The following ZSWIM6 variants were observed in gnomAD, a reference collection of about 807,000 sequenced individuals.
The protein encoded by ZSWIM6 is zinc finger SWIM domain-containing protein 6.
In ZSWIM6, 9 loss-of-function variants were observed where a neutral mutation model predicts 113.2. The observed-to-expected ratio is 0.08, with a 90% CI of 0.05 to 0.14. The LOEUF (loss-of-function observed/expected upper bound fraction) is 0.14. ZSWIM6 is among the 10% of genes least tolerant of loss of function. ZSWIM6 has a pLI of 1.00. For synonymous variants in ZSWIM6, 611 were observed against 606.5 expected, an observed-to-expected ratio of 1.01 and a Z score of -0.11; for missense variants, 1,162 against 1,552.2, an observed-to-expected ratio of 0.75 and a Z score of 4.22.
intron 1 of ZSWIM6, among the ~76,000 whole-genome samples, chr5:61,462,954 C>T (rs1230602457): frequency 6.6e-6 from 1 of 152,220 alleles, no homozygotes; most frequent in Non-Finnish European, 1.5e-5. Context: ...CTGACTTTCT[C>T]ATATAAGGTG....
intron 4 of ZSWIM6, among the ~76,000 whole-genome samples, chr5:61,494,861 G>A (rs962904259): frequency 6.6e-6 from 1 of 151,892 alleles, no homozygotes; most frequent in East Asian, 1.9e-4. Flanking sequence ...ATGAACTGTC[G>A]ATCCTCAGAA....
intron 1 of ZSWIM6, among the ~76,000 whole-genome samples, chr5:61,404,068 C>T (rs969259544): frequency 1.7e-4 from 25 of 150,350 alleles, no homozygotes; most frequent in African/African-American, 5.9e-4. Flanking sequence ...AGTGCAGTGG[C>T]GCGATCTTGG....
chr5:61,484,315 C>G (rs1364033373), intron 2 of ZSWIM6, among the ~76,000 whole-genome samples: 1 of 152,062 alleles, frequency 6.6e-6, no homozygotes, highest in Non-Finnish European at 1.5e-5. Context: ...AAAAAAATGA[C>G]AAAAATTGAG....
At chr5:61,465,152 TA>T (rs1385250662) in intron 1 of ZSWIM6, among the ~76,000 whole-genome samples, 1 of 152,202 alleles carries the variant, frequency 6.6e-6, no homozygotes, top group Non-Finnish European at 1.5e-5. Context: ...AGCTTATGTT[TA>T]AAAGATTGGG....
intron 2 of ZSWIM6, among the ~76,000 whole-genome samples, chr5:61,484,257 C>G (rs767634213): frequency 6.6e-6 from 1 of 152,158 alleles, no homozygotes; most frequent in Non-Finnish European, 1.5e-5. Flanking sequence ...AGTTCTGGGG[C>G]AGATCTCCTT....
chr5:61,508,966 T>A (rs1748702858), intron 4 of ZSWIM6, among the ~76,000 whole-genome samples: 1 of 152,142 alleles, frequency 6.6e-6, no homozygotes, highest in East Asian at 1.9e-4. Flanking sequence ...TCACTAAGTT[T>A]TAGAGTAGTT....
intron 9 of ZSWIM6, 33 bp from the exon 10 acceptor site, chr5:61,535,451 G>A: frequency 6.5e-7 from 1 of 1,545,952 alleles, no homozygotes; most frequent in Non-Finnish European, 8.8e-7. Flanking sequence ...TCATTTTTTA[G>A]GAACGTAAAA....
At chr5:61,341,823 CTT>C (rs1744553939) in intron 1 of ZSWIM6, among the ~76,000 whole-genome samples, 3 of 148,440 alleles carry the variant, frequency 2.0e-5, no homozygotes, top group African/African-American at 7.4e-5. Context: ...CATATATGTA[CTT>C]CTTTCACATA....
intron 8 of ZSWIM6, 131 bp downstream of exon 8, chr5:61,530,329 A>G: frequency 1.1e-6 from 1 of 923,548 alleles, no homozygotes; most frequent in East Asian, 2.7e-5. Flanking sequence ...GCAAGAGAGC[A>G]AGAAAATGGG....
At chr5:61,477,455 G>A (rs1354037242) in intron 2 of ZSWIM6, among the ~76,000 whole-genome samples, 1 of 152,188 alleles carries the variant, frequency 6.6e-6, no homozygotes, top group Non-Finnish European at 1.5e-5. Flanking sequence ...GTTATCTACA[G>A]AGGCATAGGA....
chr5:61,377,929 T>G (rs1279239128), intron 1 of ZSWIM6, among the ~76,000 whole-genome samples: 3 of 152,210 alleles, frequency 2.0e-5, no homozygotes, highest in Non-Finnish European at 4.4e-5. Context: ...TCACTTGATT[T>G]ATAAGAGAAA....
chr5:61,479,970 G>A (rs901460628), intron 2 of ZSWIM6, among the ~76,000 whole-genome samples: 1 of 151,870 alleles, frequency 6.6e-6, no homozygotes, highest in African/African-American at 2.4e-5. Flanking sequence ...CTTAAAGCCT[G>A]CAAACATAGT....
rs536981892 is a variant in ZSWIM6 at position 61,345,225 on chromosome 5, G to C, written c.676+12277G>C. Among the ~76,000 whole-genome samples, 11 of 152,204 alleles carry C rather than the reference G, an allele frequency of 7.2e-5. No homozygotes were observed. In the South Asian group the frequency reaches 2.3e-3, roughly 32 times the overall value. ...TACTGTTTTTCCTACAGTTATCCCT[G>C]TTCTCTTGGCTAACTCATTTGTGTG... On this transcript the variant is annotated intron_variant, in intron 1 of 13. Transcript: ENST00000252744.
rs1033496584 is a variant in ZSWIM6, at chr5:61,378,745, TG to T, written c.676+45801del. ...TAATTTTGTATTTTTTTAGTAGAGA[TG>T]GGGTTTCTCATATTGGTCAGGCTGG... is the stretch of plus-strand genomic sequence containing the variant. On this transcript the variant is annotated intron_variant, in intron 1 of 13. Transcript: ENST00000252744. Among the ~76,000 whole-genome samples, 60 of 152,006 alleles carry T rather than the reference TG, an allele frequency of 3.9e-4. 1 individual carries two copies. Among genetic ancestry groups the T allele is most frequent in the Admixed American group, 3.7e-3 (57 of 15,270 alleles).
rs1204454866 is a variant in ZSWIM6 at position 61,426,456 on chromosome 5, GT to G, written c.677-46220del. On this transcript the variant is annotated intron_variant, in intron 1 of 13. Transcript: ENST00000252744. ...CGCACTTATATATGCAAGCAATATT[GT>G]TTTTCCAAACCATTTTGGAATATTT... 3.3e-5 allele frequency among the ~76,000 whole-genome samples: 5 copies of G among 152,136 alleles called. No homozygotes were observed. In the East Asian group the frequency reaches 9.7e-4, roughly 29 times the overall value.
chr5:61,501,856 C>T (rs1307088780), intron 4 of ZSWIM6, among the ~76,000 whole-genome samples: 1 of 152,154 alleles, frequency 6.6e-6, no homozygotes, highest in East Asian at 1.9e-4. Flanking sequence ...AATGTCATAG[C>T]GTTGGTATAA....
rs141912152 is a variant in ZSWIM6, at chr5:61,352,721, G to A, written c.676+19773G>A. On this transcript the variant is annotated intron_variant, in intron 1 of 13. Coordinates refer to ENST00000252744, the MANE Select transcript of ZSWIM6 (RefSeq NM_020928.2). ...TTAATTACAGTAAGTACTTTATCAA[G>A]GTCAGTTGTCTTAGAATGTGGATTT... Among the ~76,000 whole-genome samples the A allele has an allele frequency of 7.6e-3, 1,157 of 152,294 alleles. 7 individuals are homozygous for A. Among genetic ancestry groups the A allele is most frequent in the Non-Finnish European group, 0.012 (826 of 68,022 alleles).
At chr5:61,348,409 C>T (rs1370417728) in intron 1 of ZSWIM6, among the ~76,000 whole-genome samples, 3 of 152,034 alleles carry the variant, frequency 2.0e-5, no homozygotes, top group Non-Finnish European at 4.4e-5. Context: ...GGTATTTGTA[C>T]TTCATTGGGC....
At chr5:61,386,495 A>G (rs1490498913) in intron 1 of ZSWIM6, among the ~76,000 whole-genome samples, 1 of 151,852 alleles carries the variant, frequency 6.6e-6, no homozygotes, top group African/African-American at 2.4e-5. Context: ...AAATGGTGAA[A>G]CTCCATGGCT....
Sources: gnomAD v4.1 joint callset for allele counts (sites outside exome capture counted in the v4.1 genomes callset) on GRCh38, gnomAD v4.1.1 for gene constraint, MANE v1.5 for transcripts, NCBI Gene and HGNC (gene_info 2026-07-23, HGNC 2026-07-21) for gene names.